The following COPS3 variants were observed in gnomAD, a reference collection of about 807,000 sequenced individuals.
COPS3 encodes the protein COP9 signalosome subunit 3.
COPS3 carries 10 observed loss-of-function variants against 58.2 expected under a neutral mutation model. That is an observed-to-expected ratio of 0.17 (90% CI 0.11 to 0.29). COPS3 has a LOEUF of 0.29. COPS3 is among the 10% of genes least tolerant of loss of function. COPS3 has a pLI of 1.00. For synonymous variants in COPS3, 187 were observed against 181.7 expected (o/e 1.03, Z -0.24); for missense variants, 333 against 510.1 (o/e 0.65, Z 3.34).
rs895039216 is a variant in COPS3 at position 17,267,874 on chromosome 17, T to C, written c.441+11A>G. 5 of 1,612,886 alleles carry C rather than the reference T, an allele frequency of 3.1e-6. No individual in the cohort carries two copies. Among genetic ancestry groups the C allele is most frequent in the Non-Finnish European group, 4.2e-6 (5 of 1,179,242 alleles). Reference sequence around the variant, plus strand: ...CTGACTTGGTGTGAATCACACACTTTGGTTGCTTACCTGGCAGAGATCAGC... The same window carrying C: ...CTGACTTGGTGTGAATCACACACTTCGGTTGCTTACCTGGCAGAGATCAGC... On this transcript the variant is annotated intron_variant, in intron 5 of 11. Coordinates refer to ENST00000268717, the MANE Select transcript of COPS3 (RefSeq NM_003653.4).
At chr17:17,255,881 A>AATAAATAAATAG (rs71152855) in intron 8 of COPS3, among the ~76,000 whole-genome samples, 4 of 149,880 alleles carry the variant, frequency 2.7e-5, no homozygotes, top group African/African-American at 9.9e-5. Context: ...TAAATAAATA[A>AATAAATAAATAG]CTGATAGGCT....
intron 8 of COPS3, among the ~76,000 whole-genome samples, chr17:17,256,590 C>A (rs917178159): frequency 6.6e-6 from 1 of 152,064 alleles, no homozygotes; most frequent in African/African-American, 2.4e-5. Flanking sequence ...CATATTAAAA[C>A]CCTCATCTTG....
chr17:17,276,920 A>G (rs925824553), intron 1 of COPS3, among the ~76,000 whole-genome samples: 1 of 152,112 alleles, frequency 6.6e-6, no homozygotes. Flanking sequence ...TAAACTGTGC[A>G]TTCAATCAAG....
At chr17:17,248,864 G>A (rs986431854) in intron 10 of COPS3, 62 bp downstream of exon 10, 2 of 1,028,562 alleles carry the variant, frequency 1.9e-6, no homozygotes, top group African/African-American at 3.2e-5. Flanking sequence ...GAACATAGGA[G>A]CAATTTTCAA....
intron 5 of COPS3, among the ~76,000 whole-genome samples, chr17:17,267,108 C>T (rs900433814): frequency 1.3e-5 from 2 of 151,536 alleles, no homozygotes; most frequent in African/African-American, 2.4e-5. Context: ...GAGGCTGAGG[C>T]GAGCGGATCA....
At chr17:17,271,881 T>TAATAATACATATTA (rs1555620732) in intron 2 of COPS3, among the ~76,000 whole-genome samples, 1 of 124,354 alleles carries the variant, frequency 8.0e-6, no homozygotes, top group African/African-American at 2.6e-5. Context: ...CACATATGTT[T>TAATAATACATATTA]AATAATATAT....
chr17:17,278,000 G>A (rs1183738517), intron 1 of COPS3, among the ~76,000 whole-genome samples: 1 of 152,142 alleles, frequency 6.6e-6, no homozygotes. Flanking sequence ...TGGGTGTGGT[G>A]GCACACACCT....
intron 11 of COPS3, 51 bp downstream of exon 11, chr17:17,247,429 C>T: frequency 6.6e-7 from 1 of 1,525,892 alleles, no homozygotes; most frequent in South Asian, 1.1e-5. Flanking sequence ...TGTGACAACA[C>T]CCCTCCTTCT....
chr17:17,272,576 C>T (rs1001131965), intron 2 of COPS3, among the ~76,000 whole-genome samples: 2 of 152,100 alleles, frequency 1.3e-5, no homozygotes, highest in African/African-American at 2.4e-5. Context: ...AAAAGAAGTT[C>T]GGAGGAGTAC....
intron 9 of COPS3, 77 bp downstream of exon 9, chr17:17,254,782 C>T: frequency 2.3e-6 from 2 of 881,236 alleles, no homozygotes; most frequent in Non-Finnish European, 3.3e-6. Context: ...TACACTCCAG[C>T]CTGGTGACAG....
intron 9 of COPS3, among the ~76,000 whole-genome samples, chr17:17,250,388 G>C (rs2047817068): frequency 6.6e-6 from 1 of 151,640 alleles, no homozygotes; most frequent in African/African-American, 2.4e-5. Context: ...CTAAGTAGCT[G>C]GGACTACAGG....
At chr17:17,257,231 G>C (rs2047995340) in intron 8 of COPS3, among the ~76,000 whole-genome samples, 1 of 152,024 alleles carries the variant, frequency 6.6e-6, no homozygotes, top group Non-Finnish European at 1.5e-5. Flanking sequence ...AGGTGTGGTG[G>C]TGTGCACCTG....
intron 9 of COPS3, 49 bp downstream of exon 9, chr17:17,254,810 A>AAAAG: frequency 1.6e-6 from 2 of 1,279,740 alleles, no homozygotes; most frequent in African/African-American, 3.3e-5. Context: ...CTCCATCTCA[A>AAAAG]AAAGAAAAAA....
At chr17:17,278,900 A>T (rs966179038) in intron 1 of COPS3, among the ~76,000 whole-genome samples, 1 of 143,854 alleles carries the variant, frequency 7.0e-6, no homozygotes, top group Non-Finnish European at 1.5e-5. Context: ...TTTGAGACGG[A>T]GTCTTGCTCT....
intron 9 of COPS3, among the ~76,000 whole-genome samples, chr17:17,252,504 T>C (rs2047872755): frequency 6.6e-6 from 1 of 152,092 alleles, no homozygotes; most frequent in Admixed American, 6.6e-5. Context: ...CCCTGGCCCG[T>C]ACCCATTAGA....
At chr17:17,261,472 G>A in intron 7 of COPS3, 1 of 253,860 alleles carries the variant, frequency 3.9e-6, no homozygotes, top group South Asian at 4.1e-5. Context: ...GTTGCAGTGA[G>A]CTGAGATCAC....
intron 4 of COPS3, among the ~76,000 whole-genome samples, chr17:17,268,231 A>C (rs2048270148): frequency 6.6e-6 from 1 of 152,198 alleles, no homozygotes; most frequent in Non-Finnish European, 1.5e-5. Flanking sequence ...TACAATGAAG[A>C]TCAATAATCA....
chr17:17,275,034 C>T lies in COPS3; in HGVS notation c.185+1001G>A, dbSNP rs576489664. Among the ~76,000 whole-genome samples, 3 of 152,218 alleles carry T rather than the reference C, an allele frequency of 2.0e-5. No homozygotes were observed. In the South Asian group the frequency reaches 6.2e-4, roughly 32 times the overall value. On this transcript the variant is annotated intron_variant, in intron 2 of 11. Transcript: ENST00000268717. ...TAAGCTGCTGCCCACCTCCAGCCAGCCCATAGCTCTCACTCTTGGCCCCCT... is the reference window on the plus strand; with the variant it reads ...TAAGCTGCTGCCCACCTCCAGCCAGTCCATAGCTCTCACTCTTGGCCCCCT...
At chr17:17,277,405 G>A (rs188092917) in intron 1 of COPS3, among the ~76,000 whole-genome samples, 2 of 152,166 alleles carry the variant, frequency 1.3e-5, no homozygotes, top group African/African-American at 2.4e-5. Context: ...CCCCTATACT[G>A]CAATACTATG....
Sources: allele counts gnomAD v4.1 joint callset (sites outside exome capture counted in the v4.1 genomes callset), GRCh38; gene constraint gnomAD v4.1.1; transcripts MANE v1.5; gene names NCBI Gene and HGNC (gene_info 2026-07-23, HGNC 2026-07-21).